The following TDRD6 variants were observed in gnomAD, a reference collection of about 807,000 sequenced individuals.
TDRD6 encodes tudor domain containing 6.
Under a neutral mutation model 157.5 loss-of-function variants are expected in TDRD6, and 186 were observed. The observed-to-expected ratio is 1.18, with a 90% CI of 1.05 to 1.33. The LOEUF (loss-of-function observed/expected upper bound fraction) is 1.33, where lower values mean the gene tolerates loss of function less well. Ranked by LOEUF, TDRD6 falls within the 40% of genes most tolerant of loss-of-function variation. The pLI, the probability that TDRD6 is intolerant of heterozygous loss-of-function variation, is 0.00. For synonymous variants in TDRD6, 1,075 were observed against 945.2 expected (o/e 1.14, Z -2.52); for missense variants, 3,066 against 2,508.0 (o/e 1.22, Z -4.75).
In TDRD6 at chr6:46,689,443, T is replaced by C; in HGVS notation, c.1315T>C (p.Ser439Pro). Residue 439 changes from serine to proline, a missense_variant, in exon 1 of 4, where the codon TCG becomes CCG. Physicochemically the swap from Ser to Pro is moderately conservative, Grantham distance 74. Transcript: ENST00000316081. ...INLNRVFGVQ[S>P]CCLADRVLQS... ...TCTGAACCGTGTGTTTGGAGTACAG[T>C]CGTGTTGCTTGGCTGACCGAGTCCT... The C allele has an allele frequency of 1.2e-6, 2 of 1,613,394 alleles. No individual in the cohort carries two copies. The highest frequency in any genetic ancestry group is 1.7e-6 in the Non-Finnish European group (2 of 1,180,030).
chr6:46,690,022 C>T lies in TDRD6; in HGVS notation c.1894C>T (p.His632Tyr). The T allele has an allele frequency of 6.2e-7, 1 of 1,613,960 alleles. No homozygotes were observed. The highest frequency in any genetic ancestry group is 8.5e-7 in the Non-Finnish European group (1 of 1,179,942). ...KTVLHKELVIHILDKQDHQYV... is the reference protein window; with the variant it reads ...KTVLHKELVIYILDKQDHQYV... ...TGTGCTCCACAAAGAATTAGTCATC[C>T]ATATTCTTGATAAACAGGATCATCA... The change falls in exon 1 of 4, where the codon CAT becomes TAT. Residue 632 changes from histidine to tyrosine, a missense_variant. Coordinates refer to ENST00000316081, the MANE Select transcript of TDRD6 (RefSeq NM_001010870.3).
At position 46,692,533 on chromosome 6, in the gene TDRD6, A is replaced by G. The variant is rs1475503524; in HGVS notation, c.4405A>G (p.Ile1469Val). The change falls in exon 1 of 4, where the codon ATA becomes GTA. Residue 1469 changes from isoleucine to valine, a missense_variant. Coordinates refer to ENST00000316081, the MANE Select transcript of TDRD6 (RefSeq NM_001010870.3). ...TATTCTTGCTGATGAACATGGGATCATAGCAGATGATATGATTAGCAGGTA... is the reference window on the plus strand; with the variant it reads ...TATTCTTGCTGATGAACATGGGATCGTAGCAGATGATATGATTAGCAGGTA... ...EVILADEHGI[I>V]ADDMISRYAL... The G allele has an allele frequency of 3.1e-6, 5 of 1,613,770 alleles. No individual in the cohort carries two copies. Among genetic ancestry groups the G allele is most frequent in the Admixed American group, 3.3e-5 (2 of 60,008 alleles).
rs1190978375 is a variant in TDRD6 at position 46,693,340 on chromosome 6, C to T, written c.5212C>T (p.Gln1738Ter). 1.2e-6 allele frequency: 2 copies of T among 1,604,030 alleles called. No homozygotes were observed. The highest frequency in any genetic ancestry group is 2.7e-5 in the African/African-American group (2 of 73,952). ...GLKKLSNKAV[Q>*]NKIYMEQQTD... ...TAAGAAATTAAGTAATAAAGCTGTA[C>T]AAAATAAAATATATATGGAACAACA... is the stretch of plus-strand genomic sequence containing the variant. The change falls in exon 1 of 4, where the codon CAA becomes TAA. Residue 1738 changes from glutamine to a stop codon, truncating the protein, a stop_gained. Transcript: ENST00000316081. LOFTEE classifies it high-confidence loss of function.
In TDRD6 at chr6:46,689,911, A is replaced by G. The variant is rs141870901; in HGVS notation, c.1783A>G (p.Ile595Val). ...GCTTCCTCAGTTTAGGCAGCTACCA[A>G]TATTGGCTGTGAAGTGCACCCTGGC... ...MLLPQFRQLP[I>V]LAVKCTLADI... The change falls in exon 1 of 4, where the codon ATA (isoleucine) becomes GTA (valine). Residue 595 changes from isoleucine (I) to valine (V), a missense_variant. Ile to Val is a conservative substitution (Grantham distance 29). Coordinates refer to ENST00000316081, the MANE Select transcript of TDRD6 (RefSeq NM_001010870.3). The G allele has an allele frequency of 8.1e-6, 13 of 1,614,094 alleles. No individual in the cohort carries two copies. Among genetic ancestry groups the G allele is most frequent in the African/African-American group, 5.3e-5 (4 of 74,934 alleles).
chr6:46,690,910 G>T lies in TDRD6; in HGVS notation c.2782G>T (p.Ala928Ser), dbSNP rs1178495918. 2 of 1,613,998 alleles carry T rather than the reference G, an allele frequency of 1.2e-6. No individual in the cohort carries two copies. Among genetic ancestry groups the T allele is most frequent in the Middle Eastern group, 1.6e-4 (1 of 6,062 alleles). ...ATTAAAATGTACAATATTTGCTCTG[G>T]CTTCAATTAATGAAGAACTGTTTAA... Reference protein sequence around the residue: ...LELKCTIFALASINEELFNIV... With the variant: ...LELKCTIFALSSINEELFNIV... Residue 928 changes from alanine (A) to serine (S), a missense_variant, in exon 1 of 4, where the codon GCT (alanine) becomes TCT (serine). Ala to Ser is a moderately conservative substitution (Grantham distance 99, BLOSUM62 1). Transcript: ENST00000316081.
At chr6:46,701,528 TATC>T (rs1163720295) in intron 3 of TDRD6, among the ~76,000 whole-genome samples, 10 of 152,258 alleles carry the variant, frequency 6.6e-5, no homozygotes, top group African/African-American at 2.2e-4. Context: ...GTAGCTTTAA[TATC>T]ATGTGAAAAA....
chr6:46,691,002 AC>A lies in TDRD6; in HGVS notation c.2876del (p.Pro959GlnfsTer2), dbSNP rs1473970117. On this transcript the variant is annotated frameshift_variant, in exon 1 of 4. Transcript: ENST00000316081. LOFTEE classifies it high-confidence loss of function. ...HFLVEKRLAR[P>X]VKLQKPLESS... ...TCTTGGTAGAAAAGAGACTTGCAAG[AC>A]CAGTAAAACTTCAGAAGCCTTTGGA... The A allele has an allele frequency of 1.2e-6, 2 of 1,613,974 alleles. No individual in the cohort carries two copies. Among genetic ancestry groups the A allele is most frequent in the Non-Finnish European group, 1.7e-6 (2 of 1,179,944 alleles).
At chr6:46,698,912 GT>G (rs1400273357) in intron 3 of TDRD6, among the ~76,000 whole-genome samples, 15 of 152,126 alleles carry the variant, frequency 9.9e-5, no homozygotes, top group Admixed American at 4.6e-4. Context: ...TCTGTGGTTG[GT>G]GATTGTCCTG....
the TDRD6 span, chr6:46,681,533 G>A: frequency 4.2e-6 from 2 of 470,924 alleles, no homozygotes; most frequent in East Asian, 6.9e-5. Context: ...ACAGGCTGCT[G>A]TGATTGTCAA....
In TDRD6 at chr6:46,690,831, G is replaced by A. The variant is rs773253601; in HGVS notation, c.2703G>A (p.Lys901=). Reference sequence around the variant, plus strand: ...AGAATCCCTTTGTTTGGGATGTAAAGGCAATACAAGCTTTCAATGAATTTA... The same window carrying A: ...AGAATCCCTTTGTTTGGGATGTAAAAGCAATACAAGCTTTCAATGAATTTA... ...VGQNPFVWDV[K]AIQAFNEFID... is the part of the protein sequence containing the mutation. The change falls in exon 1 of 4, where the codon AAG becomes AAA. Residue 901 remains lysine, a synonymous_variant. Transcript: ENST00000316081. 1.1e-5 allele frequency: 18 copies of A among 1,613,610 alleles called. No homozygotes were observed. Among genetic ancestry groups the A allele is most frequent in the Middle Eastern group, 3.3e-4 (2 of 6,082 alleles).
chr6:46,701,108 C>T (rs1159595581), intron 3 of TDRD6: 2 of 380,920 alleles, frequency 5.3e-6, no homozygotes, highest in Non-Finnish European at 5.3e-6. Context: ...CCCAGAATTA[C>T]AATTTCTTAA....
chr6:46,701,958 CAG>C lies in TDRD6; in HGVS notation c.*74_*75del. 6.5e-7 allele frequency: 1 copy of C among 1,532,154 alleles called. No individual in the cohort carries two copies. The allele number at this position is 1,532,154 out of a possible 1,614,324, so 94.9% of individuals were successfully genotyped here. ...ACAAGTGGCATCTTACGCAGACCAA[CAG>C]AGTATTTGAGAAAATTGAAAACATG... On this transcript the variant is annotated 3_prime_UTR_variant, in exon 4 of 4. Transcript: ENST00000316081.
the TDRD6 span, among the ~76,000 whole-genome samples, chr6:46,682,771 A>G: frequency 6.6e-6 from 1 of 151,962 alleles, no homozygotes; most frequent in Non-Finnish European, 1.5e-5. Flanking sequence ...GATAAATCTA[A>G]CAAATGTGTA....
At position 46,689,038 on chromosome 6, in the gene TDRD6, G is replaced by A. The variant is rs1764216180; in HGVS notation, c.910G>A (p.Glu304Lys). Reference protein sequence around the residue: ...GDENSTSATWEEREESPDKPG... With the variant: ...GDENSTSATWKEREESPDKPG... ...TGAGAACTCTACCAGTGCCACCTGGGAGGAGAGGGAGGAGAGCCCAGATAA... is the reference window on the plus strand; with the variant it reads ...TGAGAACTCTACCAGTGCCACCTGGAAGGAGAGGGAGGAGAGCCCAGATAA... The change falls in exon 1 of 4, where the codon GAG becomes AAG. Residue 304 changes from glutamate to lysine, a missense_variant. Transcript: ENST00000316081. 6 of 1,613,934 alleles carry A rather than the reference G, an allele frequency of 3.7e-6. No homozygotes were observed. Among genetic ancestry groups the A allele is most frequent in the African/African-American group, 1.3e-5 (1 of 75,048 alleles).
intron 2 of TDRD6, among the ~76,000 whole-genome samples, chr6:46,696,581 G>A (rs13211809): frequency 0.4 from 13,754 of 34,802 alleles, 3,470 homozygotes; most frequent in African/African-American, 0.53. Flanking sequence ...GTGTGTGTGT[G>A]TATATATATA....
chr6:46,688,215 G>A lies in TDRD6; in HGVS notation c.87G>A (p.Pro29=). ...TGGACGTGCATCCCGATGTGATCCC[G>A]GTGCAGCTGTGGGGGCTGGTGGGCG... ...SFVDVHPDVI[P]VQLWGLVGER... The change falls in exon 1 of 4, where the codon CCG becomes CCA. Residue 29 remains proline (P), a synonymous_variant. Transcript: ENST00000316081. The A allele has an allele frequency of 6.5e-7, 1 of 1,539,904 alleles. No homozygotes were observed. Among genetic ancestry groups the A allele is most frequent in the South Asian group, 1.2e-5 (1 of 84,424 alleles).
In TDRD6 at chr6:46,695,830, A is replaced by C; in HGVS notation, c.6056A>C (p.Gln2019Pro). Reference sequence around the variant, plus strand: ...CAATTCAATTTGGCAGCTCAACTACAGAACACCTACACTCTGAAAGCCTTT... The same window carrying C: ...CAATTCAATTTGGCAGCTCAACTACCGAACACCTACACTCTGAAAGCCTTT... Reference protein sequence around the residue: ...GLPDHISAQLQNTYTLKAFTV... With the variant: ...GLPDHISAQLPNTYTLKAFTV... Residue 2019 changes from glutamine to proline, a missense_variant, in exon 2 of 4, where the codon CAG becomes CCG. Coordinates refer to ENST00000316081, the MANE Select transcript of TDRD6 (RefSeq NM_001010870.3). 6.2e-7 allele frequency: 1 copy of C among 1,613,076 alleles called. No homozygotes were observed. The highest frequency in any genetic ancestry group is 8.5e-7 in the Non-Finnish European group (1 of 1,179,554).
At chr6:46,698,654 C>T (rs1764552887) in intron 3 of TDRD6, among the ~76,000 whole-genome samples, 1 of 152,190 alleles carries the variant, frequency 6.6e-6, no homozygotes, top group Non-Finnish European at 1.5e-5. Context: ...TCTCACTTCA[C>T]AATCTTTGTC....
chr6:46,694,905 G>T (rs1013317733), intron 1 of TDRD6, among the ~76,000 whole-genome samples: 4 of 152,034 alleles, frequency 2.6e-5, no homozygotes, highest in African/African-American at 9.7e-5. Flanking sequence ...ATCATGCATT[G>T]ATCTTGCAAT....
Sources: allele counts gnomAD v4.1 joint callset (sites outside exome capture counted in the v4.1 genomes callset), GRCh38; gene constraint gnomAD v4.1.1; transcripts MANE v1.5; gene names NCBI Gene and HGNC (gene_info 2026-07-23, HGNC 2026-07-21).